Variants in GTPBP6 observed in about 807,000 individuals in gnomAD.
The protein encoded by GTPBP6 is GTP binding protein 6.
A neutral mutation model predicts 28.9 loss-of-function variants in GTPBP6; 33 were observed. The ratio of observed to expected loss-of-function variants is 1.14; its 90% CI spans 0.87 to 1.53. The LOEUF (loss-of-function observed/expected upper bound fraction) is 1.53, where lower values mean the gene tolerates loss of function less well. GTPBP6 is among the 40% of genes most tolerant of loss of function. The pLI is 0.00. For synonymous variants in GTPBP6, 231 were observed against 192.7 expected, an observed-to-expected ratio of 1.20 and a Z score of -1.65; for missense variants, 507 against 408.3, an observed-to-expected ratio of 1.24 and a Z score of -2.08.
rs1198742677 is a variant in GTPBP6 at position 317,227 on chromosome X, C to A, written c.350-176G>T. Among the ~76,000 whole-genome samples, 338 of 152,200 alleles carry A rather than the reference C, an allele frequency of 2.2e-3. 3 individuals are homozygous for A. Among genetic ancestry groups the A allele is most frequent in the African/African-American group, 7.3e-3 (305 of 41,550 alleles). On this transcript the variant is annotated intron_variant, in intron 1 of 9. Coordinates refer to ENST00000326153, the Ensembl canonical transcript of GTPBP6. ...CCAGGGCCTCTAAGTAGGAATCTGA[C>A]GGGAGAAGGACACCGGAGCCACAGC...
chrX:308,705 A>G (rs1464711293), intron 7 of GTPBP6, among the ~76,000 whole-genome samples: 1 of 151,690 alleles, frequency 6.6e-6, no homozygotes, highest in Non-Finnish European at 1.5e-5. Flanking sequence ...AAAACAAAAA[A>G]AATAATTTCA....
In GTPBP6 at chrX:315,316, G is replaced by C; in HGVS notation, c.488-17C>G. ...GGATCTTTTCTAACAGAAAGAGGGG[G>C]TCCCGTCAGAGGCTGGCCGTCCACA... On this transcript the variant is annotated splice_polypyrimidine_tract_variant and intron_variant, in intron 2 of 9. Transcript: ENST00000326153. 1 of 398,478 alleles carries C rather than the reference G, an allele frequency of 2.5e-6. No individual in the cohort carries two copies. The highest frequency in any genetic ancestry group is 1.3e-4 in the South Asian group (1 of 7,858). 24.7% of individuals were successfully genotyped at this position (398,478 alleles called of 1,614,324 possible). A position where few individuals can be genotyped will look rare whatever the true frequency, so the allele number is the denominator to read the frequency against.
intron 9 of GTPBP6, among the ~76,000 whole-genome samples, chrX:306,449 T>G: frequency 6.9e-6 from 1 of 145,556 alleles, no homozygotes; most frequent in Non-Finnish European, 1.5e-5. Flanking sequence ...AGGCACCTGT[T>G]GTATCCACAG....
rs2070403651 is a variant in GTPBP6 at position 315,034 on chromosome X, G to C, written c.559-14C>G. On this transcript the variant is annotated splice_polypyrimidine_tract_variant and intron_variant, in intron 3 of 9. Coordinates refer to ENST00000326153, the Ensembl canonical transcript of GTPBP6. The stretch of plus-strand genomic sequence containing the variant: ...TTCCAGTTCTTTCTGCAAAAGGAGA[G>C]AGCAACTGAGAAGCCACGGGGGAAG... 2.5e-6 allele frequency: 1 copy of C among 398,584 alleles called. No individual in the cohort carries two copies. Among genetic ancestry groups the C allele is most frequent in the African/African-American group, 2.1e-5 (1 of 48,650 alleles). The allele number at this position is 398,584 out of a possible 1,614,324, so 24.7% of individuals were successfully genotyped here. A position where few individuals can be genotyped will look rare whatever the true frequency, so the allele number is the denominator to read the frequency against.
chrX:315,430 C>T (rs1372718437), intron 2 of GTPBP6, 131 bp from the exon 3 acceptor site: 5 of 398,354 alleles, frequency 1.3e-5, no homozygotes, highest in Non-Finnish European at 1.3e-5. Flanking sequence ...TTCCTGAGCA[C>T]GAGACCCGGG....
rs779339405 is a variant in GTPBP6 at position 311,551 on chromosome X, G to A, written c.993C>T (p.Asp331=). 1.1e-4 allele frequency: 171 copies of A among 1,612,288 alleles called. 1 individual carries two copies. In the South Asian group the frequency reaches 1.5e-3, roughly 15 times the overall value. The change falls in exon 7 of 10, where the codon GAC becomes GAT. Residue 331 remains aspartate, a synonymous_variant. Transcript: ENST00000326153. ...GCAGCGTGCCCGCGTGGGCCGTGAC[G>A]TCCAGCGTGGCAAACAGCTGGTCCC...
At chrX:318,761 G>C (rs1260310119) in exon 1 of GTPBP6, 70 of 313,398 alleles carry the variant, frequency 2.2e-4, no homozygotes, top group African/African-American at 1.4e-3. Flanking sequence ...GCAGCCCCGG[G>C]CGTACGGCGG....
At chrX:312,679 C>T (rs766582913) in intron 6 of GTPBP6, 87 bp downstream of exon 6, 61 of 1,360,346 alleles carry the variant, frequency 4.5e-5, no homozygotes, top group African/African-American at 2.0e-4. Flanking sequence ...ACCACTGAGA[C>T]GACAGGGACC....
At chrX:306,660 T>C (rs1213249414) in intron 9 of GTPBP6, among the ~76,000 whole-genome samples, 1 of 148,960 alleles carries the variant, frequency 6.7e-6, no homozygotes, top group Non-Finnish European at 1.5e-5. Context: ...GCACCTGTTG[T>C]ATGCAGTCAG....
chrX:311,553 C>T (rs1191860143), exon 7 of GTPBP6: 6 of 1,612,444 alleles, frequency 3.7e-6, no homozygotes, highest in Non-Finnish European at 5.1e-6. Flanking sequence ...GCCGTGACGT[C>T]CAGCGTGGCA....
At chrX:314,292 A>T in intron 4 of GTPBP6, 75 bp from the exon 5 acceptor site, 1 of 1,237,870 alleles carries the variant, frequency 8.1e-7, no homozygotes, top group Non-Finnish European at 1.2e-6. Flanking sequence ...GTGAAGGTGA[A>T]GGGGGCACTG....
chrX:316,991 A>C (rs1403188601), exon 2 of GTPBP6: 1 of 398,382 alleles, frequency 2.5e-6, no homozygotes, highest in African/African-American at 2.1e-5. Flanking sequence ...CATTGTCTGC[A>C]CCACGGACCA....
chrX:305,515 G>A (rs747318516), intron 9 of GTPBP6, among the ~76,000 whole-genome samples: 30 of 151,450 alleles, frequency 2.0e-4, no homozygotes, highest in South Asian at 4.2e-4. Context: ...TAGAGACGGG[G>A]TTTCACCGTG....
exon 7 of GTPBP6, chrX:311,534 C>T (rs781459193): frequency 1.2e-6 from 2 of 1,612,038 alleles, no homozygotes. Flanking sequence ...GGGCAGCGTG[C>T]CCGCGTGGGC....
At chrX:306,664 C>T (rs2070173384) in intron 9 of GTPBP6, among the ~76,000 whole-genome samples, 1 of 145,258 alleles carries the variant, frequency 6.9e-6, no homozygotes, top group Non-Finnish European at 1.5e-5. Flanking sequence ...CTGTTGTATG[C>T]AGTCAGAAAT....
chrX:305,512 G>C (rs1218960695), intron 9 of GTPBP6, among the ~76,000 whole-genome samples: 1 of 151,378 alleles, frequency 6.6e-6, no homozygotes, highest in Admixed American at 6.6e-5. Flanking sequence ...TAGTAGAGAC[G>C]GGGTTTCACC....
rs1267573500 is a variant in GTPBP6, at chrX:314,347, G to A, written c.690-130C>T. On this transcript the variant is annotated intron_variant, in intron 4 of 9. Coordinates refer to ENST00000326153, the Ensembl canonical transcript of GTPBP6. The stretch of plus-strand genomic sequence containing the variant: ...AGGGAGGAGCCGCTGTTGCGGCCCC[G>A]CTCCGCGTGTAGCTCACACACTGTG... 1.9e-4 allele frequency: 144 copies of A among 770,238 alleles called. 1 individual carries two copies. The East Asian group carries it at 2.9e-3, about 15-fold the overall frequency. 47.7% of individuals were successfully genotyped at this position (770,238 alleles called of 1,614,324 possible).
At chrX:311,269 TGGCCCCTGGGCTGAGTGGGTGTCCGAGGG>T in intron 7 of GTPBP6, 121 bp downstream of exon 7, 1 of 269,318 alleles carries the variant, frequency 3.7e-6, no homozygotes. Context: ...TCCGAGGGCC[TGGCCCCTGGGCTGAGTGGGTGTCCGAGGG>T]CCCGGCCCCT....
intron 2 of GTPBP6, 109 bp downstream of exon 2, chrX:316,805 C>G (rs1383469856): frequency 2.5e-6 from 1 of 398,816 alleles, no homozygotes; most frequent in Admixed American, 4.4e-5. Context: ...GGCCGCTTCC[C>G]CTCTGGCCCC....
Sources: allele counts gnomAD v4.1 joint callset (sites outside exome capture counted in the v4.1 genomes callset), GRCh38; gene constraint gnomAD v4.1.1; transcripts MANE v1.5; gene names NCBI Gene and HGNC (gene_info 2026-07-23, HGNC 2026-07-21).